Variants in NDUFAF2 observed in about 807,000 individuals in gnomAD.
NDUFAF2 encodes NADH:ubiquinone oxidoreductase complex assembly factor 2.
Under a neutral mutation model 22.8 loss-of-function variants are expected in NDUFAF2, and 13 were observed. That is an observed-to-expected ratio of 0.57 (90% CI 0.37 to 0.91). NDUFAF2 has a LOEUF of 0.91. NDUFAF2 is among the 40% of genes least tolerant of loss of function. The pLI is 0.01. For synonymous variants in NDUFAF2, 53 were observed against 64.2 expected (o/e 0.83, Z 0.84); for missense variants, 162 against 195.2 (o/e 0.83, Z 1.01).
chr5:61,068,597 G>A (rs962557171), intron 1 of NDUFAF2, among the ~76,000 whole-genome samples: 25 of 152,086 alleles, frequency 1.6e-4, no homozygotes, highest in Middle Eastern at 3.4e-3. Flanking sequence ...TTTGAGTCAC[G>A]CGCTTACAGG....
chr5:61,062,105 G>A (rs75079524), intron 1 of NDUFAF2, among the ~76,000 whole-genome samples: 2,710 of 152,246 alleles, frequency 0.018, 82 homozygotes, highest in African/African-American at 0.058. Context: ...AGAGGTGACT[G>A]TACCAGCAGA....
At chr5:61,004,440 C>G (rs1434198718) in intron 1 of NDUFAF2, among the ~76,000 whole-genome samples, 2 of 151,898 alleles carry the variant, frequency 1.3e-5, no homozygotes, top group African/African-American at 4.8e-5. Flanking sequence ...AGGAGTATTT[C>G]AAAAGCTTTA....
At chr5:61,129,951 A>G (rs886918837) in intron 3 of NDUFAF2, among the ~76,000 whole-genome samples, 2 of 152,104 alleles carry the variant, frequency 1.3e-5, no homozygotes, top group African/African-American at 4.8e-5. Context: ...TTTTCCAGAT[A>G]AGAGCTGTTC....
intron 1 of NDUFAF2, among the ~76,000 whole-genome samples, chr5:61,040,658 CCCA>C (rs1469710821): frequency 1.3e-5 from 2 of 151,938 alleles, no homozygotes. Flanking sequence ...ATTTCAGAAC[CCCA>C]CAAGTATTTA....
chr5:61,111,000 T>G (rs1326849165), intron 3 of NDUFAF2, among the ~76,000 whole-genome samples: 3 of 152,154 alleles, frequency 2.0e-5, no homozygotes, highest in Non-Finnish European at 2.9e-5. Flanking sequence ...CCCATAGGTT[T>G]TGGTATGTTG....
chr5:61,030,354 G>A (rs1020991822), intron 1 of NDUFAF2, among the ~76,000 whole-genome samples: 1 of 152,002 alleles, frequency 6.6e-6, no homozygotes, highest in African/African-American at 2.4e-5. Context: ...CTAAGTCTGG[G>A]TTACATTATA....
At chr5:61,055,533 A>G (rs1020409113) in intron 1 of NDUFAF2, among the ~76,000 whole-genome samples, 1 of 152,226 alleles carries the variant, frequency 6.6e-6, no homozygotes, top group Non-Finnish European at 1.5e-5. Flanking sequence ...AGCCCAAATT[A>G]TGCATTATCT....
chr5:61,071,656 G>A (rs1752301128), intron 1 of NDUFAF2, among the ~76,000 whole-genome samples: 1 of 152,152 alleles, frequency 6.6e-6, no homozygotes, highest in Non-Finnish European at 1.5e-5. Context: ...GTAAGAGAAA[G>A]GAGTATTTTG....
At chr5:61,144,653 C>T (rs1490182283) in intron 3 of NDUFAF2, among the ~76,000 whole-genome samples, 1 of 152,104 alleles carries the variant, frequency 6.6e-6, no homozygotes, top group Non-Finnish European at 1.5e-5. Flanking sequence ...TGAACCTATT[C>T]AGATATCTCT....
At chr5:61,139,661 AG>A (rs1030636461) in intron 3 of NDUFAF2, among the ~76,000 whole-genome samples, 9 of 152,238 alleles carry the variant, frequency 5.9e-5, no homozygotes, top group Non-Finnish European at 1.3e-4. Flanking sequence ...CTAGGCTAAT[AG>A]GGGCGGGTCC....
chr5:61,031,024 C>T (rs899878058), intron 1 of NDUFAF2, among the ~76,000 whole-genome samples: 1 of 152,150 alleles, frequency 6.6e-6, no homozygotes, highest in Admixed American at 6.6e-5. Context: ...TGGTTAGTTC[C>T]TTTGGCTGCT....
chr5:61,136,153 A>G (rs1331799456), intron 3 of NDUFAF2, among the ~76,000 whole-genome samples: 1 of 147,954 alleles, frequency 6.8e-6, no homozygotes, highest in Non-Finnish European at 1.5e-5. Flanking sequence ...CCATCTTTTT[A>G]TGTTGTCATT....
chr5:60,965,771 A>G (rs1225129304), intron 1 of NDUFAF2, among the ~76,000 whole-genome samples: 1 of 152,148 alleles, frequency 6.6e-6, no homozygotes, highest in African/African-American at 2.4e-5. Context: ...TCATCTGTCA[A>G]TAGACACTTA....
At chr5:61,034,485 T>C (rs1230822952) in intron 1 of NDUFAF2, among the ~76,000 whole-genome samples, 1 of 152,142 alleles carries the variant, frequency 6.6e-6, no homozygotes, top group Non-Finnish European at 1.5e-5. Context: ...AAATGCAGTA[T>C]TATAATCTTA....
intron 1 of NDUFAF2, chr5:61,050,634 T>A (rs1752013910): frequency 6.6e-6 from 1 of 152,158 alleles, no homozygotes; most frequent in South Asian, 2.1e-4. Flanking sequence ...CTTGGTGTAG[T>A]AGGTAAGGTG....
intron 1 of NDUFAF2, among the ~76,000 whole-genome samples, chr5:61,053,213 AT>A (rs1352158302): frequency 6.6e-6 from 1 of 152,242 alleles, no homozygotes; most frequent in Non-Finnish European, 1.5e-5. Flanking sequence ...CTACCTGAAC[AT>A]TCACCCAGCA....
At chr5:61,148,761 T>G (rs1007056691) in intron 3 of NDUFAF2, among the ~76,000 whole-genome samples, 3 of 152,214 alleles carry the variant, frequency 2.0e-5, no homozygotes, top group African/African-American at 7.2e-5. Flanking sequence ...AATAACAATG[T>G]GAAGAGTATA....
At chr5:60,947,031 G>C (rs561481771) in intron 1 of NDUFAF2, among the ~76,000 whole-genome samples, 1 of 152,322 alleles carries the variant, frequency 6.6e-6, no homozygotes, top group South Asian at 2.1e-4. Context: ...CAAGCTGAAG[G>C]ACATTAGGAT....
chr5:60,974,938 C>T (rs971750417), intron 1 of NDUFAF2, among the ~76,000 whole-genome samples: 5 of 152,088 alleles, frequency 3.3e-5, no homozygotes, highest in Non-Finnish European at 1.5e-5. Flanking sequence ...GCCTCAGCCT[C>T]CCAAGTAACT....
Sources: allele counts gnomAD v4.1 joint callset (sites outside exome capture counted in the v4.1 genomes callset), GRCh38; gene constraint gnomAD v4.1.1; transcripts MANE v1.5; gene names NCBI Gene and HGNC (gene_info 2026-07-23, HGNC 2026-07-21).